The following EXOC6B variants were observed in gnomAD, a reference collection of about 807,000 sequenced individuals.
The protein encoded by EXOC6B is exocyst complex component 6B, also known as SEC15 homolog B.
A neutral mutation model predicts 113.5 loss-of-function variants in EXOC6B; 54 were observed. The observed-to-expected ratio is 0.48, with a 90% CI of 0.38 to 0.60. The LOEUF is 0.60. EXOC6B is among the 20% of genes least tolerant of loss of function. The probability of loss-of-function intolerance (pLI) is 0.00; values close to 1 mark genes in which losing one functional copy is unlikely to be tolerated. For missense variants in EXOC6B, 797 were observed against 977.5 expected, an observed-to-expected ratio of 0.82 and a Z score of 2.46; for synonymous variants, 357 against 339.0, an observed-to-expected ratio of 1.05 and a Z score of -0.58.
At chr2:72,637,829 A>G (rs1279715127) in intron 6 of EXOC6B, among the ~76,000 whole-genome samples, 2 of 152,052 alleles carry the variant, frequency 1.3e-5, no homozygotes, top group Non-Finnish European at 2.9e-5. Context: ...TAATGGAAAT[A>G]TAACATACCA....
chr2:72,722,569 T>C (rs773302385), intron 5 of EXOC6B, among the ~76,000 whole-genome samples: 5 of 152,140 alleles, frequency 3.3e-5, no homozygotes, highest in Admixed American at 1.3e-4. Flanking sequence ...AATTTAGAAA[T>C]AAAAGTACAA....
intron 18 of EXOC6B, among the ~76,000 whole-genome samples, chr2:72,381,578 T>C (rs1691679417): frequency 6.6e-6 from 1 of 152,170 alleles, no homozygotes. Flanking sequence ...CATTTTAAAA[T>C]TTACATAATT....
At chr2:72,547,517 C>T (rs1387588663) in intron 8 of EXOC6B, among the ~76,000 whole-genome samples, 1 of 152,142 alleles carries the variant, frequency 6.6e-6, no homozygotes, top group Non-Finnish European at 1.5e-5. Context: ...ACAAGACTCA[C>T]AAACTAAGCT....
At chr2:72,698,703 A>G (rs1419811357) in intron 6 of EXOC6B, among the ~76,000 whole-genome samples, 1 of 152,238 alleles carries the variant, frequency 6.6e-6, no homozygotes, top group African/African-American at 2.4e-5. Flanking sequence ...GCCGACAGCA[A>G]AATGAAATAT....
At chr2:72,575,409 T>C in intron 7 of EXOC6B, 83 bp downstream of exon 7, 1 of 1,279,462 alleles carries the variant, frequency 7.8e-7, no homozygotes, top group East Asian at 2.6e-5. Context: ...AACTACATTA[T>C]ATGGATAAAC....
intron 6 of EXOC6B, among the ~76,000 whole-genome samples, chr2:72,610,368 G>T (rs1284091226): frequency 1.3e-5 from 2 of 152,156 alleles, no homozygotes. Flanking sequence ...CACCTCAGTA[G>T]AACCAAGTAC....
intron 20 of EXOC6B, among the ~76,000 whole-genome samples, chr2:72,196,688 G>A (rs1002783248): frequency 6.6e-6 from 1 of 152,180 alleles, no homozygotes; most frequent in African/African-American, 2.4e-5. Context: ...CAAACATTTT[G>A]TTAAGTAAAC....
At chr2:72,779,590 G>C (rs1683909108) in intron 1 of EXOC6B, among the ~76,000 whole-genome samples, 1 of 152,024 alleles carries the variant, frequency 6.6e-6, no homozygotes. Flanking sequence ...ATTTTGGTCA[G>C]ACCCCAAGCC....
At chr2:72,275,303 T>G (rs181545573) in intron 20 of EXOC6B, among the ~76,000 whole-genome samples, 1 of 152,308 alleles carries the variant, frequency 6.6e-6, no homozygotes, top group Non-Finnish European at 1.5e-5. Flanking sequence ...TACCTCATTT[T>G]GAATAGTTCC....
intron 6 of EXOC6B, among the ~76,000 whole-genome samples, chr2:72,673,351 G>C (rs114625036): frequency 6.6e-6 from 1 of 152,158 alleles, no homozygotes; most frequent in Non-Finnish European, 1.5e-5. Flanking sequence ...GGCTATGATT[G>C]ACAATAACCT....
intron 21 of EXOC6B, chr2:72,182,996 GTC>G: frequency 1.1e-6 from 1 of 904,056 alleles, no homozygotes; most frequent in Non-Finnish European, 1.5e-6. Flanking sequence ...GAAAACTGCA[GTC>G]TGAGTTTTTA....
chr2:72,521,707 T>A (rs997618866), intron 8 of EXOC6B, among the ~76,000 whole-genome samples: 1 of 152,020 alleles, frequency 6.6e-6, no homozygotes, highest in East Asian at 1.9e-4. Context: ...TTGTTTAACT[T>A]TTTTTTTGAG....
At chr2:72,292,189 G>C (rs1033031575) in intron 20 of EXOC6B, among the ~76,000 whole-genome samples, 1 of 151,266 alleles carries the variant, frequency 6.6e-6, no homozygotes, top group Non-Finnish European at 1.5e-5. Flanking sequence ...GTGTGTGTGT[G>C]TGTGTGTGTG....
chr2:72,811,093 G>A (rs1162910136), intron 1 of EXOC6B, among the ~76,000 whole-genome samples: 2 of 152,008 alleles, frequency 1.3e-5, no homozygotes, highest in Admixed American at 6.5e-5. Context: ...AGCACTTTGG[G>A]AGTCCGAAGT....
intron 8 of EXOC6B, among the ~76,000 whole-genome samples, chr2:72,525,687 T>A (rs1701716091): frequency 1.3e-5 from 2 of 152,142 alleles, no homozygotes; most frequent in Admixed American, 1.3e-4. Context: ...ACAAGAACAT[T>A]TTTAATATAA....
At chr2:72,356,555 A>G (rs918459632) in intron 19 of EXOC6B, among the ~76,000 whole-genome samples, 1 of 152,212 alleles carries the variant, frequency 6.6e-6, no homozygotes, top group Non-Finnish European at 1.5e-5. Flanking sequence ...AAACAAAAAA[A>G]CAAACTAACT....
At chr2:72,675,892 T>C (rs567714333) in intron 6 of EXOC6B, among the ~76,000 whole-genome samples, 12 of 152,136 alleles carry the variant, frequency 7.9e-5, no homozygotes, top group Non-Finnish European at 1.5e-4. Flanking sequence ...AGTATACTTA[T>C]GTGGTGCTTT....
intron 1 of EXOC6B, among the ~76,000 whole-genome samples, chr2:72,761,084 G>A (rs931389417): frequency 2.6e-5 from 4 of 152,128 alleles, no homozygotes; most frequent in African/African-American, 9.7e-5. Flanking sequence ...GGAGGCTGAG[G>A]CAGGAGAATC....
chr2:72,338,958 TACAC>T (rs1336743551), intron 19 of EXOC6B, among the ~76,000 whole-genome samples: 162 of 151,196 alleles, frequency 1.1e-3, no homozygotes, highest in African/African-American at 3.7e-3. Context: ...CACATACACA[TACAC>T]ATACATACAC....
Sources: gnomAD v4.1 joint callset for allele counts (sites outside exome capture counted in the v4.1 genomes callset) on GRCh38, gnomAD v4.1.1 for gene constraint, MANE v1.5 for transcripts, NCBI Gene and HGNC (gene_info 2026-07-23, HGNC 2026-07-21) for gene names.